Variants in CFAP53 observed in about 807,000 individuals in gnomAD.
CFAP53 encodes the protein cilia and flagella associated protein 53.
In CFAP53, 62 loss-of-function variants were observed where a neutral mutation model predicts 59.7. The observed-to-expected ratio is 1.04, with a 90% confidence interval of 0.85 to 1.28. The LOEUF is 1.28. Ranked by LOEUF, CFAP53 falls within the 50% of genes most tolerant of loss-of-function variation. CFAP53 has a pLI of 0.00. For synonymous variants in CFAP53, 218 were observed against 205.7 expected (o/e 1.06, Z -0.51); for missense variants, 629 against 615.6 (o/e 1.02, Z -0.23).
In CFAP53 at chr18:50,254,618, G is replaced by T. The variant is rs372966257; in HGVS notation, c.474-2834C>A. ...AAAATTACATTTATGGCTGGGAGTG[G>T]TGGCTCACGCCTGTAATCTCAGCAC... On this transcript the variant is annotated intron_variant, in intron 3 of 7. Transcript: ENST00000398545. Among the ~76,000 whole-genome samples the T allele has an allele frequency of 2.6e-4, 39 of 152,316 alleles. No individual in the cohort carries two copies. The South Asian group carries it at 8.1e-3, about 32-fold the overall frequency.
chr18:50,228,598 CT>C, intron 7 of CFAP53, among the ~76,000 whole-genome samples: 1 of 152,028 alleles, frequency 6.6e-6, no homozygotes, highest in South Asian at 2.1e-4. Context: ...CGAGACCAGC[CT>C]GACCAACATG....
intron 1 of CFAP53, among the ~76,000 whole-genome samples, chr18:50,262,518 A>C (rs2033903804): frequency 6.6e-6 from 1 of 152,236 alleles, no homozygotes; most frequent in Admixed American, 6.5e-5. Context: ...TTGTCTAGTC[A>C]AACCCAGAGA....
chr18:50,245,388 C>A (rs1388099190), intron 5 of CFAP53, among the ~76,000 whole-genome samples: 91 of 93,980 alleles, frequency 9.7e-4, no homozygotes, highest in Middle Eastern at 6.0e-3. Context: ...GACTCCGTCT[C>A]AAAAAAAAAA....
chr18:50,250,656 TCA>T lies in CFAP53; in HGVS notation c.996+100_996+101del, dbSNP rs914663031. 56 of 871,870 alleles carry T rather than the reference TCA, an allele frequency of 6.4e-5. 1 individual carries two copies. In the Admixed American group the frequency reaches 1.1e-3, roughly 17 times the overall value. 54.0% of individuals were successfully genotyped at this position (871,870 alleles called of 1,614,324 possible). A position where few individuals can be genotyped will look rare whatever the true frequency, so the allele number is the denominator to read the frequency against. ...GATGCTGTTGGCTTGTGGACCACAC[TCA>T]GAGTAGCACTGCTATATATTTGAAG... On this transcript the variant is annotated intron_variant, in intron 5 of 7. Transcript: ENST00000398545.
At chr18:50,263,974 G>A (rs149814012) in intron 1 of CFAP53, among the ~76,000 whole-genome samples, 8 of 152,326 alleles carry the variant, frequency 5.3e-5, no homozygotes, top group Non-Finnish European at 1.0e-4. Flanking sequence ...CAGCACAGTC[G>A]TGGTATTGTT....
intron 5 of CFAP53, among the ~76,000 whole-genome samples, chr18:50,245,383 C>T (rs1315074017): frequency 1.8e-4 from 13 of 72,750 alleles, no homozygotes; most frequent in Non-Finnish European, 2.7e-4. Context: ...AGCGAGACTC[C>T]GTCTCAAAAA....
chr18:50,250,862 G>A lies in CFAP53; in HGVS notation c.892C>T (p.His298Tyr). Residue 298 changes from histidine to tyrosine, a missense_variant, in exon 5 of 8, where the codon CAT (histidine) becomes TAT (tyrosine). Physicochemically the swap from His to Tyr is moderately conservative, Grantham distance 83. Coordinates refer to ENST00000398545, the MANE Select transcript of CFAP53 (RefSeq NM_145020.5). ...LQKALQERIE[H>Y]IQQEYRDEQD... ...TCGTCTCTGTATTCCTGCTGAATAT[G>A]TTCTATCCTCTCTTGTAGGGCTTTT... 1.9e-6 allele frequency: 3 copies of A among 1,614,134 alleles called. No homozygotes were observed. Among genetic ancestry groups the A allele is most frequent in the Non-Finnish European group, 2.5e-6 (3 of 1,179,996 alleles).
At position 50,235,793 on chromosome 18, in the gene CFAP53, A is replaced by G. The variant is rs952131025; in HGVS notation, c.1316+2810T>C. Among the ~76,000 whole-genome samples the G allele has an allele frequency of 2.6e-5, 4 of 152,158 alleles. No homozygotes were observed. In the East Asian group the frequency reaches 5.8e-4, roughly 22 times the overall value. On this transcript the variant is annotated intron_variant, in intron 7 of 7. Coordinates refer to ENST00000398545, the MANE Select transcript of CFAP53 (RefSeq NM_145020.5). ...CATGGTCCCACAGCCACCCTGCCCA[A>G]TTTAATTCCCAACCCAAGGATTTAG...
Position 50,227,352 on chromosome 18 carries a change from C to G in CFAP53, c.*29G>C. 6.4e-7 allele frequency: 1 copy of G among 1,560,740 alleles called. No homozygotes were observed. Among genetic ancestry groups the G allele is most frequent in the Non-Finnish European group, 8.8e-7 (1 of 1,134,338 alleles). The stretch of plus-strand genomic sequence containing the variant: ...ACTGTAGTTAAAAATATTAAAAGAC[C>G]AAGAAAAGATATATTGATGCTCACG... On this transcript the variant is annotated 3_prime_UTR_variant, in exon 8 of 8. Coordinates refer to ENST00000398545, the MANE Select transcript of CFAP53 (RefSeq NM_145020.5).
chr18:50,227,395 T>C lies in CFAP53; in HGVS notation c.1531A>G (p.Lys511Glu). 1 of 1,612,644 alleles carries C rather than the reference T, an allele frequency of 6.2e-7. No individual in the cohort carries two copies. ...IHPMRKACPS[K>E]LPP ...TGCTCACGGAACTACGGTGGAAGCT[T>C]ACTGGGGCATGCCTTGCGCATGGGA... Residue 511 changes from lysine to glutamate, a missense_variant, in exon 8 of 8, where the codon AAG (lysine) becomes GAG (glutamate). Transcript: ENST00000398545.
chr18:50,240,241 T>C (rs972930817), intron 6 of CFAP53, among the ~76,000 whole-genome samples: 8 of 151,992 alleles, frequency 5.3e-5, no homozygotes, highest in African/African-American at 1.9e-4. Flanking sequence ...TGCCCCACCC[T>C]GACTCATTCT....
intron 5 of CFAP53, among the ~76,000 whole-genome samples, chr18:50,246,399 G>A (rs2033745329): frequency 6.6e-6 from 1 of 152,174 alleles, no homozygotes; most frequent in African/African-American, 2.4e-5. Context: ...TTCAACAAAT[G>A]ATGCTGGAAT....
intron 6 of CFAP53, among the ~76,000 whole-genome samples, chr18:50,241,580 A>G (rs555198083): frequency 1.1e-4 from 17 of 152,314 alleles, no homozygotes; most frequent in African/African-American, 4.1e-4. Context: ...ATAAAGAGAA[A>G]GAGTACAAAG....
At position 50,266,413 on chromosome 18, in the gene CFAP53, C is replaced by A; in HGVS notation, c.-9G>T. 6.2e-7 allele frequency: 1 copy of A among 1,614,204 alleles called. No homozygotes were observed. Among genetic ancestry groups the A allele is most frequent in the Non-Finnish European group, 8.5e-7 (1 of 1,179,978 alleles). On this transcript the variant is annotated 5_prime_UTR_variant, in exon 1 of 8. Coordinates refer to ENST00000398545, the MANE Select transcript of CFAP53 (RefSeq NM_145020.5). ...AACCGCTGGCTGTACATTTTCGAGT[C>A]CCCTTCGGGACGGGGGCGGCGTCCG...
chr18:50,227,355 G>A lies in CFAP53; in HGVS notation c.*26C>T. On this transcript the variant is annotated 3_prime_UTR_variant, in exon 8 of 8. Coordinates refer to ENST00000398545, the MANE Select transcript of CFAP53 (RefSeq NM_145020.5). ...GTAGTTAAAAATATTAAAAGACCAA[G>A]AAAAGATATATTGATGCTCACGGAA... The A allele has an allele frequency of 6.4e-7, 1 of 1,569,720 alleles. No homozygotes were observed. Among genetic ancestry groups the A allele is most frequent in the Non-Finnish European group, 8.8e-7 (1 of 1,141,294 alleles).
intron 7 of CFAP53, among the ~76,000 whole-genome samples, chr18:50,229,374 T>G (rs1312826548): frequency 3.9e-5 from 6 of 152,228 alleles, no homozygotes; most frequent in Non-Finnish European, 8.8e-5. Context: ...CTTAGCATAA[T>G]GTCCTCCAGG....
chr18:50,259,964 T>C (rs896144604), intron 3 of CFAP53, among the ~76,000 whole-genome samples: 2 of 152,268 alleles, frequency 1.3e-5, no homozygotes, highest in African/African-American at 2.4e-5. Flanking sequence ...CTAAGAGCTG[T>C]AGCTCTAGGG....
At chr18:50,236,369 T>C (rs73962518) in intron 7 of CFAP53, among the ~76,000 whole-genome samples, 126 of 152,348 alleles carry the variant, frequency 8.3e-4, no homozygotes, top group African/African-American at 2.8e-3. Context: ...AGCCTAGTTA[T>C]GCGCTTCAGC....
chr18:50,245,218 TA>T (rs994990749), intron 5 of CFAP53, among the ~76,000 whole-genome samples: 31 of 150,704 alleles, frequency 2.1e-4, no homozygotes, highest in African/African-American at 7.1e-4. Flanking sequence ...CCGCCTCTAC[TA>T]AAAATACAAA....
Sources: allele counts gnomAD v4.1 joint callset (sites outside exome capture counted in the v4.1 genomes callset), GRCh38; gene constraint gnomAD v4.1.1; transcripts MANE v1.5; gene names NCBI Gene and HGNC (gene_info 2026-07-23, HGNC 2026-07-21).